FRAT1: variants seen among roughly 807,000 people sequenced by gnomAD.
FRAT1 encodes the protein proto-oncogene FRAT1.
In FRAT1, 9 loss-of-function variants were observed where a neutral mutation model predicts 16.9. That is an observed-to-expected ratio of 0.53 (90% CI 0.32 to 0.93). The LOEUF is 0.93. Ranked by LOEUF, FRAT1 falls within the 40% of genes least tolerant of loss-of-function variation. FRAT1 has a pLI of 0.04. For missense variants in FRAT1, 354 were observed against 402.8 expected (o/e 0.88, Z 1.04); for synonymous variants, 191 against 202.1 (o/e 0.95, Z 0.46).
Position 97,319,595 on chromosome 10 carries a change from G to C in FRAT1, c.142G>C (p.Gly48Arg). The change falls in exon 1 of 1, where the codon GGC becomes CGC. Residue 48 changes from glycine (G) to arginine (R), a missense_variant. Physicochemically the swap from Gly to Arg is moderately radical, Grantham distance 125. Transcript: ENST00000371021. ...GGTGGACCGGCTGGTGGCCCAGATC[G>C]GCGAGACGCTGCAGCTGGACGCGGC... ...GEVDRLVAQIGETLQLDAAQH... is the reference protein window; with the variant it reads ...GEVDRLVAQIRETLQLDAAQH... The C allele has an allele frequency of 6.9e-7, 1 of 1,445,306 alleles. No homozygotes were observed. Among genetic ancestry groups the C allele is most frequent in the East Asian group, 3.0e-5 (1 of 32,990 alleles). 89.5% of individuals were successfully genotyped at this position (1,445,306 alleles called of 1,614,324 possible).
At position 97,320,337 on chromosome 10, in the gene FRAT1, AG is replaced by A; in HGVS notation, c.*48del. 1 of 1,486,986 alleles carries A rather than the reference AG, an allele frequency of 6.7e-7. No homozygotes were observed. Among genetic ancestry groups the A allele is most frequent in the Non-Finnish European group, 9.0e-7 (1 of 1,114,124 alleles). The allele number at this position is 1,486,986 out of a possible 1,614,324, so 92.1% of individuals were successfully genotyped here. A position where few individuals can be genotyped will look rare whatever the true frequency, so the allele number is the denominator to read the frequency against. On this transcript the variant is annotated 3_prime_UTR_variant, in exon 1 of 1. Coordinates refer to ENST00000371021, the MANE Select transcript of FRAT1 (RefSeq NM_005479.4). The stretch of plus-strand genomic sequence containing the variant: ...AGCGCCAGCCTCAGACTGGAGGGCA[AG>A]GGGTTCCCTTGAGGGCTGCAGTTCT...
In FRAT1 at chr10:97,320,624, CGA is replaced by C. The variant is rs1036481970; in HGVS notation, c.*332_*333del. On this transcript the variant is annotated 3_prime_UTR_variant, in exon 1 of 1. Coordinates refer to ENST00000371021, the MANE Select transcript of FRAT1 (RefSeq NM_005479.4). ...AGCCTCTCAGTGCCCTCCAGCCCCG[CGA>C]CCATGTGGCCACAATCCACGCTTCT... 77 of 304,846 alleles carry C rather than the reference CGA, an allele frequency of 2.5e-4. No individual in the cohort carries two copies. Among genetic ancestry groups the C allele is most frequent in the Admixed American group, 2.2e-3 (42 of 19,088 alleles). The allele number at this position is 304,846 out of a possible 1,614,324, so 18.9% of individuals were successfully genotyped here. A position where few individuals can be genotyped will look rare whatever the true frequency, so the allele number is the denominator to read the frequency against.
Position 97,320,131 on chromosome 10 carries a change from G to A in FRAT1, c.678G>A (p.Gln226=). ...GAAGGCTTCATTCGCGACGGCTGCAGTTACGTGCAAAGCTTCCCCAACGCC... is the reference window on the plus strand; with the variant it reads ...GAAGGCTTCATTCGCGACGGCTGCAATTACGTGCAAAGCTTCCCCAACGCC... ...AVRRLHSRRL[Q]LRAKLPQRPL... The change falls in exon 1 of 1, where the codon CAG becomes CAA. Residue 226 remains glutamine, a synonymous_variant. Transcript: ENST00000371021. 6.2e-7 allele frequency: 1 copy of A among 1,612,176 alleles called. No homozygotes were observed. Among genetic ancestry groups the A allele is most frequent in the Non-Finnish European group, 8.5e-7 (1 of 1,179,316 alleles).
Position 97,319,793 on chromosome 10 carries a change from G to T in FRAT1, c.340G>T (p.Ala114Ser). The T allele has an allele frequency of 7.5e-7, 1 of 1,335,192 alleles. No individual in the cohort carries two copies. 82.7% of individuals were successfully genotyped at this position (1,335,192 alleles called of 1,614,324 possible). ...GGCGCCCCCTGGGGTCCTGCGCTGC[G>T]CCCTGGGGGACCGCGGCCGCGTGCG... is the stretch of plus-strand genomic sequence containing the variant. Reference protein sequence around the residue: ...GPAPPGVLRCALGDRGRVRGR... With the variant: ...GPAPPGVLRCSLGDRGRVRGR... Residue 114 changes from alanine (A) to serine (S), a missense_variant, in exon 1 of 1, where the codon GCC becomes TCC. Ala to Ser is a moderately conservative substitution (Grantham distance 99). This residue lies in a region of FRAT1 where 286 missense variants were observed against 311.0 expected (regional missense o/e 0.92). Transcript: ENST00000371021.
Position 97,320,390 on chromosome 10 carries a change from T to G in FRAT1, c.*97T>G. 8.3e-7 allele frequency: 1 copy of G among 1,202,256 alleles called. No homozygotes were observed. Among genetic ancestry groups the G allele is most frequent in the Non-Finnish European group, 1.1e-6 (1 of 886,384 alleles). 74.5% of individuals were successfully genotyped at this position (1,202,256 alleles called of 1,614,324 possible). Reference sequence around the variant, plus strand: ...CTCAGGCTGGTGGAGAACTCTGGCTTTTGGAAGCGAGAGTAAAAAGCTAAT... The same window carrying G: ...CTCAGGCTGGTGGAGAACTCTGGCTGTTGGAAGCGAGAGTAAAAAGCTAAT... On this transcript the variant is annotated 3_prime_UTR_variant, in exon 1 of 1. Coordinates refer to ENST00000371021, the MANE Select transcript of FRAT1 (RefSeq NM_005479.4).
chr10:97,319,434 G>A lies in FRAT1; in HGVS notation c.-20G>A, dbSNP rs776124565. The A allele has an allele frequency of 3.6e-6, 5 of 1,389,968 alleles. No individual in the cohort carries two copies. 86.1% of individuals were successfully genotyped at this position (1,389,968 alleles called of 1,614,324 possible). A position where few individuals can be genotyped will look rare whatever the true frequency, so the allele number is the denominator to read the frequency against. On this transcript the variant is annotated 5_prime_UTR_variant, in exon 1 of 1. Coordinates refer to ENST00000371021, the MANE Select transcript of FRAT1 (RefSeq NM_005479.4). ...CCCCCAGCGACGCCCGCACAGCTCC[G>A]GGTGCCCAGACAGGGGGCCATGCCG...
rs1386529144 is a variant in FRAT1, at chr10:97,320,171, C to T, written c.718C>T (p.Leu240=). The part of the protein sequence containing the change: ...KLPQRPLLGP[L]SAPVHEPPSP... ...TCCCCAACGCCCGCTCCTGGGACCT[C>T]TGTCGGCCCCGGTGCATGAACCCCC... Residue 240 remains leucine (L), a synonymous_variant, in exon 1 of 1, where the codon CTG becomes TTG. Coordinates refer to ENST00000371021, the MANE Select transcript of FRAT1 (RefSeq NM_005479.4). 1 of 1,612,714 alleles carries T rather than the reference C, an allele frequency of 6.2e-7. No individual in the cohort carries two copies. Among genetic ancestry groups the T allele is most frequent in the Non-Finnish European group, 8.5e-7 (1 of 1,179,568 alleles).
In FRAT1 at chr10:97,320,165, G is replaced by C; in HGVS notation, c.712G>C (p.Gly238Arg). The change falls in exon 1 of 1, where the codon GGA becomes CGA. Residue 238 changes from glycine to arginine, a missense_variant. Coordinates refer to ENST00000371021, the MANE Select transcript of FRAT1 (RefSeq NM_005479.4). ...AAAGCTTCCCCAACGCCCGCTCCTG[G>C]GACCTCTGTCGGCCCCGGTGCATGA... Reference protein sequence around the residue: ...RAKLPQRPLLGPLSAPVHEPP... With the variant: ...RAKLPQRPLLRPLSAPVHEPP... 6.2e-7 allele frequency: 1 copy of C among 1,612,706 alleles called. No individual in the cohort carries two copies. The highest frequency in any genetic ancestry group is 8.5e-7 in the Non-Finnish European group (1 of 1,179,584).
Position 97,320,590 on chromosome 10 carries a change from T to C in FRAT1, c.*297T>C. ...ACCCGACCTGGCCGCGGAGCCTGCA[T>C]TTCCTCGCAGCCTCTCAGTGCCCTC... On this transcript the variant is annotated 3_prime_UTR_variant, in exon 1 of 1. Transcript: ENST00000371021. 1 of 381,640 alleles carries C rather than the reference T, an allele frequency of 2.6e-6. No homozygotes were observed. Among genetic ancestry groups the C allele is most frequent in the East Asian group, 4.7e-5 (1 of 21,136 alleles). 23.6% of individuals were successfully genotyped at this position (381,640 alleles called of 1,614,324 possible).
At position 97,319,865 on chromosome 10, in the gene FRAT1, A is replaced by T; in HGVS notation, c.412A>T (p.Ser138Cys). 1.3e-6 allele frequency: 2 copies of T among 1,516,748 alleles called. No homozygotes were observed. Among genetic ancestry groups the T allele is most frequent in the African/African-American group, 2.8e-5 (2 of 70,842 alleles). 94.0% of individuals were successfully genotyped at this position (1,516,748 alleles called of 1,614,324 possible). ...YCVAELATGPSALSPLPPQAD... is the reference protein window; with the variant it reads ...YCVAELATGPCALSPLPPQAD... ...CGTGGCCGAGCTCGCCACAGGCCCC[A>T]GCGCGCTGTCCCCACTGCCCCCTCA... Residue 138 changes from serine to cysteine, a missense_variant, in exon 1 of 1, where the codon AGC becomes TGC. By Grantham distance (112) the Ser-to-Cys change is moderately radical. Around this residue, in one of 3 missense-constraint regions of FRAT1, gnomAD observed 286 missense variants for 311.0 expected, o/e 0.92. Transcript: ENST00000371021.
rs773686905 is a variant in FRAT1 at position 97,320,200 on chromosome 10, G to T, written c.747G>T (p.Ser249=). The T allele has an allele frequency of 6.8e-6, 11 of 1,610,330 alleles. No homozygotes were observed. The South Asian group carries it at 1.1e-4, about 16-fold the overall frequency. The change falls in exon 1 of 1, where the codon TCG becomes TCT. Residue 249 remains serine (S), a synonymous_variant. Transcript: ENST00000371021. ...PLSAPVHEPP[S]PRSPRAACSD... ...CGGCCCCGGTGCATGAACCCCCTTCGCCTCGCAGCCCTCGCGCGGCCTGCA... is the reference window on the plus strand; with the variant it reads ...CGGCCCCGGTGCATGAACCCCCTTCTCCTCGCAGCCCTCGCGCGGCCTGCA...
rs1390792536 is a variant in FRAT1, at chr10:97,319,657, G to C, written c.204G>C (p.Gly68=). The change falls in exon 1 of 1, where the codon GGG becomes GGC. Residue 68 remains glycine, a synonymous_variant. Coordinates refer to ENST00000371021, the MANE Select transcript of FRAT1 (RefSeq NM_005479.4). ...HSPASPCGPP[G]APLRAPGPLA... ...CGGCCTCGCCGTGCGGGCCCCCGGG[G>C]GCGCCGCTGCGGGCCCCGGGGCCCC... 9 of 1,208,478 alleles carry C rather than the reference G, an allele frequency of 7.4e-6. No individual in the cohort carries two copies. Among genetic ancestry groups the C allele is most frequent in the Non-Finnish European group, 9.2e-6 (9 of 974,494 alleles). The allele number at this position is 1,208,478 out of a possible 1,614,324, so 74.9% of individuals were successfully genotyped here.
rs1843437879 is a variant in FRAT1 at position 97,319,514 on chromosome 10, G to A, written c.61G>A (p.Glu21Lys). Reference sequence around the variant, plus strand: ...CGAGGAGGCGGAGGGGGAGGAAGAGGAGGAGGACAGCTTCCTCCTACTGCA... The same window carrying A: ...CGAGGAGGCGGAGGGGGAGGAAGAGAAGGAGGACAGCTTCCTCCTACTGCA... Reference protein sequence around the residue: ...AGEEAEGEEEEEDSFLLLQQS... With the variant: ...AGEEAEGEEEKEDSFLLLQQS... The change falls in exon 1 of 1, where the codon GAG becomes AAG. Residue 21 changes from glutamate (E) to lysine (K), a missense_variant. This residue lies in a region of FRAT1 where 46 missense variants were observed against 37.7 expected (regional missense o/e 1.22). Transcript: ENST00000371021. The A allele has an allele frequency of 6.8e-6, 10 of 1,478,510 alleles. No individual in the cohort carries two copies. Among genetic ancestry groups the A allele is most frequent in the Non-Finnish European group, 8.9e-6 (10 of 1,117,974 alleles). 91.6% of individuals were successfully genotyped at this position (1,478,510 alleles called of 1,614,324 possible). A position where few individuals can be genotyped will look rare whatever the true frequency, so the allele number is the denominator to read the frequency against.
chr10:97,320,360 T>C lies in FRAT1; in HGVS notation c.*67T>C. The C allele has an allele frequency of 7.3e-7, 1 of 1,361,152 alleles. No individual in the cohort carries two copies. The highest frequency in any genetic ancestry group is 1.5e-5 in the African/African-American group (1 of 68,080). The allele number at this position is 1,361,152 out of a possible 1,614,324, so 84.3% of individuals were successfully genotyped here. ...CAAGGGGTTCCCTTGAGGGCTGCAGTTCTACTCAGGCTGGTGGAGAACTCT... is the reference window on the plus strand; with the variant it reads ...CAAGGGGTTCCCTTGAGGGCTGCAGCTCTACTCAGGCTGGTGGAGAACTCT... On this transcript the variant is annotated 3_prime_UTR_variant, in exon 1 of 1. Coordinates refer to ENST00000371021, the MANE Select transcript of FRAT1 (RefSeq NM_005479.4).
chr10:97,319,958 C>G lies in FRAT1; in HGVS notation c.505C>G (p.Arg169Gly), dbSNP rs772812314. The change falls in exon 1 of 1, where the codon CGG (arginine) becomes GGG (glycine). Residue 169 changes from arginine (R) to glycine (G), a missense_variant. Transcript: ENST00000371021. ...GIPQPLSGPC[R>G]RGWLRGAAAS... ...CCCGCAGCCGCTGTCGGGTCCGTGC[C>G]GGCGAGGATGGCTCCGGGGCGCCGC... 4 of 1,539,680 alleles carry G rather than the reference C, an allele frequency of 2.6e-6. No homozygotes were observed. Among genetic ancestry groups the G allele is most frequent in the East Asian group, 2.4e-5 (1 of 40,918 alleles).
At position 97,320,356 on chromosome 10, in the gene FRAT1, G is replaced by A. The variant is rs564907414; in HGVS notation, c.*63G>A. 1,188 of 1,383,698 alleles carry A rather than the reference G, an allele frequency of 8.6e-4. 19 individuals are homozygous for A. The South Asian group carries it at 0.016, about 19-fold the overall frequency. 85.7% of individuals were successfully genotyped at this position (1,383,698 alleles called of 1,614,324 possible). On this transcript the variant is annotated 3_prime_UTR_variant, in exon 1 of 1. Transcript: ENST00000371021. ...AGGGCAAGGGGTTCCCTTGAGGGCTGCAGTTCTACTCAGGCTGGTGGAGAA... is the reference window on the plus strand; with the variant it reads ...AGGGCAAGGGGTTCCCTTGAGGGCTACAGTTCTACTCAGGCTGGTGGAGAA...
Position 97,319,502 on chromosome 10 carries a change from G to A in FRAT1, c.49G>A (p.Gly17Arg). The A allele has an allele frequency of 1.4e-6, 2 of 1,476,754 alleles. No individual in the cohort carries two copies. The highest frequency in any genetic ancestry group is 1.8e-6 in the Non-Finnish European group (2 of 1,117,038). The allele number at this position is 1,476,754 out of a possible 1,614,324, so 91.5% of individuals were successfully genotyped here. The part of the protein sequence containing the change: ...EEEEAGEEAE[G>R]EEEEEDSFLL... The stretch of plus-strand genomic sequence containing the variant: ...AGAGGAAGCCGGCGAGGAGGCGGAG[G>A]GGGAGGAAGAGGAGGAGGACAGCTT... The change falls in exon 1 of 1, where the codon GGG becomes AGG. Residue 17 changes from glycine (G) to arginine (R), a missense_variant. Physicochemically the swap from Gly to Arg is moderately radical, Grantham distance 125. This residue lies in a region of FRAT1 where 46 missense variants were observed against 37.7 expected (regional missense o/e 1.22). Coordinates refer to ENST00000371021, the MANE Select transcript of FRAT1 (RefSeq NM_005479.4).
chr10:97,319,878 C>T lies in FRAT1; in HGVS notation c.425C>T (p.Pro142Leu). The T allele has an allele frequency of 6.6e-7, 1 of 1,526,078 alleles. No homozygotes were observed. The highest frequency in any genetic ancestry group is 8.7e-7 in the Non-Finnish European group (1 of 1,143,398). The allele number at this position is 1,526,078 out of a possible 1,614,324, so 94.5% of individuals were successfully genotyped here. A position where few individuals can be genotyped will look rare whatever the true frequency, so the allele number is the denominator to read the frequency against. Residue 142 changes from proline (P) to leucine (L), a missense_variant, in exon 1 of 1, where the codon CCA becomes CTA. Physicochemically the swap from Pro to Leu is moderately conservative, Grantham distance 98. This residue lies in a region of FRAT1 where 286 missense variants were observed against 311.0 expected (regional missense o/e 0.92). Coordinates refer to ENST00000371021, the MANE Select transcript of FRAT1 (RefSeq NM_005479.4). ...ELATGPSALS[P>L]LPPQADLDGP... ...GCCACAGGCCCCAGCGCGCTGTCCC[C>T]ACTGCCCCCTCAGGCCGACCTTGAT...
chr10:97,320,893 T>C lies in FRAT1; in HGVS notation c.*600T>C, dbSNP rs1342998349. The C allele has an allele frequency of 1.2e-5, 2 of 166,896 alleles. No individual in the cohort carries two copies. Among genetic ancestry groups the C allele is most frequent in the Non-Finnish European group, 2.9e-5 (2 of 68,148 alleles). The allele number at this position is 166,896 out of a possible 1,614,324, so 10.3% of individuals were successfully genotyped here. A position where few individuals can be genotyped will look rare whatever the true frequency, so the allele number is the denominator to read the frequency against. ...ATAGGAGTTAACCCCTGCGCTCTCT[T>C]TGCAACTGTCTCTCTTCTCAGAGTG... is the stretch of plus-strand genomic sequence containing the variant. On this transcript the variant is annotated 3_prime_UTR_variant, in exon 1 of 1. Transcript: ENST00000371021.
Sources: gnomAD v4.1 joint callset for allele counts on GRCh38, gnomAD v4.1.1 for gene constraint, gnomAD v4.1.1 regional missense constraint, MANE v1.5 for transcripts, NCBI Gene and HGNC (gene_info 2026-07-23, HGNC 2026-07-21) for gene names.